ACVR1: variants seen among roughly 807,000 people sequenced by gnomAD.
The protein encoded by ACVR1 is activin A receptor type 1.
ACVR1 carries 38 observed loss-of-function variants against 57.1 expected under a neutral mutation model. The ratio of observed to expected loss-of-function variants is 0.67; its 90% confidence interval spans 0.51 to 0.87. ACVR1 has a LOEUF of 0.87. Ranked by LOEUF, ACVR1 falls within the 40% of genes least tolerant of loss-of-function variation. ACVR1 has a pLI of 0.00. For synonymous variants in ACVR1, 212 were observed against 228.1 expected (o/e 0.93, Z 0.63); for missense variants, 463 against 638.2 (o/e 0.73, Z 2.96).
intron 2 of ACVR1, among the ~76,000 whole-genome samples, chr2:157,817,863 G>A (rs1254301502): frequency 1.3e-5 from 2 of 152,036 alleles, no homozygotes; most frequent in Non-Finnish European, 2.9e-5. Context: ...TTAGCTGGCT[G>A]TGGCGGCACA....
intron 9 of ACVR1, among the ~76,000 whole-genome samples, chr2:157,760,327 A>G (rs1387151724): frequency 2.0e-5 from 3 of 152,174 alleles, no homozygotes; most frequent in Non-Finnish European, 2.9e-5. Context: ...TGGGATGAAG[A>G]GACGTTGGTT....
chr2:157,805,378 G>A (rs1029123092), intron 2 of ACVR1, among the ~76,000 whole-genome samples: 3 of 152,114 alleles, frequency 2.0e-5, no homozygotes, highest in East Asian at 3.8e-4. Context: ...TTGGAAGACA[G>A]GTCATACAAT....
chr2:157,828,988 G>A (rs1395435810), intron 1 of ACVR1, among the ~76,000 whole-genome samples: 5 of 152,040 alleles, frequency 3.3e-5, no homozygotes, highest in African/African-American at 1.2e-4. Flanking sequence ...GGCTGGTCTC[G>A]AACTCCTGAC....
rs376991063 is a variant in ACVR1 at position 157,827,234 on chromosome 2, T to C, written c.-182-8675A>G. ...AAAGACAATCAATATTATTTTTTAT[T>C]ATTTGGTTCTATTTATTGTTTGCCC... is the stretch of plus-strand genomic sequence containing the variant. On this transcript the variant is annotated intron_variant, in intron 1 of 10. Coordinates refer to ENST00000434821, the MANE Select transcript of ACVR1 (RefSeq NM_001111067.4). Among the ~76,000 whole-genome samples, 27 of 152,304 alleles carry C rather than the reference T, an allele frequency of 1.8e-4. 1 individual carries two copies. In the East Asian group the frequency reaches 2.5e-3, roughly 14 times the overall value.
intron 3 of ACVR1, among the ~76,000 whole-genome samples, chr2:157,786,051 T>C (rs1406221397): frequency 6.6e-6 from 1 of 152,186 alleles, no homozygotes; most frequent in Non-Finnish European, 1.5e-5. Flanking sequence ...AGTATGGAAT[T>C]CCTTCCACTT....
chr2:157,868,911 A>G (rs1391083116), intron 1 of ACVR1, among the ~76,000 whole-genome samples: 2 of 152,220 alleles, frequency 1.3e-5, no homozygotes, highest in Admixed American at 6.5e-5. Context: ...CAAGATTTTA[A>G]TGATAAGGAC....
At chr2:157,772,965 G>A (rs1004123554) in intron 6 of ACVR1, among the ~76,000 whole-genome samples, 1 of 152,176 alleles carries the variant, frequency 6.6e-6, no homozygotes, top group Non-Finnish European at 1.5e-5. Context: ...TACTCAGACT[G>A]GGGGTGTCCC....
chr2:157,820,750 G>A (rs1688134248), intron 1 of ACVR1, among the ~76,000 whole-genome samples: 1 of 151,692 alleles, frequency 6.6e-6, no homozygotes, highest in Non-Finnish European at 1.5e-5. Context: ...TAATTCCCCT[G>A]GTATTTATAT....
At chr2:157,769,927 G>A (rs990955235) in intron 7 of ACVR1, among the ~76,000 whole-genome samples, 2 of 152,154 alleles carry the variant, frequency 1.3e-5, no homozygotes, top group African/African-American at 4.8e-5. Flanking sequence ...TTTTAAAAAT[G>A]ATGCCTAGTT....
At chr2:157,774,453 C>T (rs1686195998) in intron 5 of ACVR1, among the ~76,000 whole-genome samples, 1 of 152,206 alleles carries the variant, frequency 6.6e-6, no homozygotes, top group African/African-American at 2.4e-5. Context: ...CAACCTCCAC[C>T]TCCCGGGTTC....
At chr2:157,839,864 T>C (rs980740697) in intron 1 of ACVR1, among the ~76,000 whole-genome samples, 1 of 152,216 alleles carries the variant, frequency 6.6e-6, no homozygotes, top group East Asian at 1.9e-4. Context: ...ATGTGCTTCA[T>C]GGAATCATTC....
intron 8 of ACVR1, among the ~76,000 whole-genome samples, chr2:157,761,501 G>C (rs1685654541): frequency 6.6e-6 from 1 of 152,174 alleles, no homozygotes; most frequent in Admixed American, 6.5e-5. Context: ...CCAACAGTGT[G>C]AGATAGAGCA....
chr2:157,741,998 C>G (rs1684792318), intron 9 of ACVR1, among the ~76,000 whole-genome samples: 1 of 152,068 alleles, frequency 6.6e-6, no homozygotes, highest in African/African-American at 2.4e-5. Context: ...CAGGAACTGA[C>G]AAACCATCCT....
intron 8 of ACVR1, among the ~76,000 whole-genome samples, chr2:157,764,404 C>A: frequency 7.2e-6 from 1 of 138,512 alleles, no homozygotes. Context: ...GATGGGGTTT[C>A]ATCACGTTCG....
chr2:157,856,602 T>C lies in ACVR1; in HGVS notation c.-183+19194A>G, dbSNP rs181839506. ...CGTGGTGGTTACAAAACATCATCTTTACTGGACTTGAGCTTTGTTACAGGG... is the reference window on the plus strand; with the variant it reads ...CGTGGTGGTTACAAAACATCATCTTCACTGGACTTGAGCTTTGTTACAGGG... On this transcript the variant is annotated intron_variant, in intron 1 of 10. Transcript: ENST00000434821. Among the ~76,000 whole-genome samples, 12 of 152,352 alleles carry C rather than the reference T, an allele frequency of 7.9e-5. No individual in the cohort carries two copies. The East Asian group carries it at 1.2e-3, about 15-fold the overall frequency.
chr2:157,841,467 C>T (rs777191063), intron 1 of ACVR1, among the ~76,000 whole-genome samples: 3 of 152,250 alleles, frequency 2.0e-5, no homozygotes, highest in South Asian at 2.1e-4. Context: ...TGTATTTTAA[C>T]GACCGCATTT....
intron 2 of ACVR1, among the ~76,000 whole-genome samples, chr2:157,801,477 A>G (rs1427373941): frequency 6.6e-6 from 1 of 152,216 alleles, no homozygotes; most frequent in Non-Finnish European, 1.5e-5. Context: ...GCTTATTTCT[A>G]CTGGTTCTTC....
intron 6 of ACVR1, 140 bp from the exon 7 acceptor site, chr2:157,770,654 A>C: frequency 1.1e-6 from 1 of 894,810 alleles, no homozygotes; most frequent in Non-Finnish European, 1.8e-6. Flanking sequence ...TGGGAATATA[A>C]ATATCACAAC....
rs149836777 is a variant in ACVR1, at chr2:157,779,001, C to T, written c.332-659G>A. Among the ~76,000 whole-genome samples the T allele has an allele frequency of 9.8e-5, 15 of 152,318 alleles. No homozygotes were observed. In the South Asian group the frequency reaches 2.3e-3, roughly 23 times the overall value. ...CCAATCACAAGCTTAACTTCCTTTA[C>T]GTATTTGTTTAACTTTCCAAGCCCA... is the stretch of plus-strand genomic sequence containing the variant. On this transcript the variant is annotated intron_variant, in intron 4 of 10. Transcript: ENST00000434821.
Sources: gnomAD v4.1 joint callset for allele counts (sites outside exome capture counted in the v4.1 genomes callset) on GRCh38, gnomAD v4.1.1 for gene constraint, MANE v1.5 for transcripts, NCBI Gene and HGNC (gene_info 2026-07-23, HGNC 2026-07-21) for gene names.